The following MYZAP variants were observed in gnomAD, a reference collection of about 807,000 sequenced individuals.
The protein encoded by MYZAP is myocardial zonula adherens protein, also known as GRINL1A complex locus upstream.
MYZAP carries 66 observed loss-of-function variants against 69.4 expected under a neutral mutation model. The observed-to-expected ratio is 0.95, with a 90% CI of 0.78 to 1.17. The LOEUF (loss-of-function observed/expected upper bound fraction) is 1.17. Among genes scored for constraint, MYZAP ranks in the 50% most tolerant of loss-of-function variants. MYZAP has a pLI of 0.00. For synonymous variants in MYZAP, 256 were observed against 205.9 expected (o/e 1.24, Z -2.09); for missense variants, 611 against 556.2 (o/e 1.10, Z -0.99).
chr15:57,646,041 A>T, intron 10 of MYZAP: 1 of 641,670 alleles, frequency 1.6e-6, no homozygotes, highest in Non-Finnish European at 2.5e-6. Flanking sequence ...GATTTCAAGT[A>T]CTTCTCATAA....
chr15:57,624,746 C>T (rs571247684), intron 4 of MYZAP, among the ~76,000 whole-genome samples: 15 of 152,354 alleles, frequency 9.8e-5, no homozygotes, highest in African/African-American at 3.6e-4. Context: ...ATCCTACCTA[C>T]TGCAGCCAGA....
Position 57,684,439 on chromosome 15 carries a change from A to G in MYZAP, c.1342A>G (p.Arg448Gly). 7 of 1,613,598 alleles carry G rather than the reference A, an allele frequency of 4.3e-6. No individual in the cohort carries two copies. Among genetic ancestry groups the G allele is most frequent in the Non-Finnish European group, 5.9e-6 (7 of 1,179,864 alleles). ...GACTCGTGAAATTGTGATGCCTTCT[A>G]GGAACTACACCCCATACACAAGAGT... is the stretch of plus-strand genomic sequence containing the variant. ...GRTREIVMPS[R>G]NYTPYTRVLE... is the part of the protein sequence containing the mutation. Residue 448 changes from arginine (R) to glycine (G), a missense_variant, in exon 13 of 13, where the codon AGG (arginine) becomes GGG (glycine). Coordinates refer to ENST00000267853, the MANE Select transcript of MYZAP (RefSeq NM_001018100.5).
chr15:57,674,049 C>A, intron 11 of MYZAP, among the ~76,000 whole-genome samples: 1 of 152,272 alleles, frequency 6.6e-6, no homozygotes, highest in Non-Finnish European at 1.5e-5. Flanking sequence ...TTTAGTCTAG[C>A]GTTACTGAAA....
At chr15:57,598,696 C>G (rs11637891) in intron 1 of MYZAP, among the ~76,000 whole-genome samples, 4,552 of 152,318 alleles carry the variant, frequency 0.03, 78 homozygotes, top group South Asian at 0.061. Flanking sequence ...CAGTGCTTCT[C>G]TATCATGCAT....
chr15:57,597,871 G>C, intron 1 of MYZAP, among the ~76,000 whole-genome samples: 1 of 152,180 alleles, frequency 6.6e-6, no homozygotes, highest in Admixed American at 6.5e-5. Flanking sequence ...CCTGGGATTT[G>C]ATCCTTGTGC....
intron 5 of MYZAP, 36 bp from the exon 6 acceptor site, chr15:57,629,665 AC>A (rs747505374): frequency 6.3e-7 from 1 of 1,599,528 alleles, no homozygotes; most frequent in Non-Finnish European, 8.5e-7. Context: ...TTTTCACGCC[AC>A]CGGATCTGGT....
chr15:57,592,427 C>A (rs191169487), intron 1 of MYZAP, among the ~76,000 whole-genome samples: 1 of 152,278 alleles, frequency 6.6e-6, no homozygotes, highest in East Asian at 1.9e-4. Flanking sequence ...GTGCAGTGTC[C>A]CTACCTTGAG....
chr15:57,680,452 G>T (rs2039371379), intron 12 of MYZAP, among the ~76,000 whole-genome samples: 1 of 151,136 alleles, frequency 6.6e-6, no homozygotes, highest in East Asian at 2.0e-4. Flanking sequence ...GAAAGGGAAG[G>T]GGTGAGAGGG....
chr15:57,597,964 A>T (rs1321584578), intron 1 of MYZAP, among the ~76,000 whole-genome samples: 2 of 152,170 alleles, frequency 1.3e-5, no homozygotes, highest in African/African-American at 4.8e-5. Flanking sequence ...CTGGGCAGGG[A>T]CCCACAGTCA....
chr15:57,607,171 G>A (rs1319844386), intron 2 of MYZAP, among the ~76,000 whole-genome samples: 2 of 152,214 alleles, frequency 1.3e-5, no homozygotes, highest in Admixed American at 6.5e-5. Flanking sequence ...GGGCCTGGTG[G>A]CAGTACCTGT....
chr15:57,661,158 AT>A (rs2038280803), intron 10 of MYZAP, among the ~76,000 whole-genome samples: 1 of 152,140 alleles, frequency 6.6e-6, no homozygotes, highest in African/African-American at 2.4e-5. Context: ...GAAATGTTGG[AT>A]TAATCAAAGC....
chr15:57,609,042 C>A (rs766448272), intron 2 of MYZAP, among the ~76,000 whole-genome samples: 9 of 152,186 alleles, frequency 5.9e-5, no homozygotes, highest in Non-Finnish European at 8.8e-5. Flanking sequence ...CACTTGGCAC[C>A]TAGCCACGTG....
At chr15:57,630,298 T>C (rs534159909) in intron 6 of MYZAP, among the ~76,000 whole-genome samples, 8 of 151,820 alleles carry the variant, frequency 5.3e-5, no homozygotes, top group African/African-American at 1.5e-4. Context: ...AATGCCCCCA[T>C]TGGGCATGCC....
intron 5 of MYZAP, 107 bp downstream of exon 5, chr15:57,625,999 GAATTCTTTA>G: frequency 1.0e-6 from 1 of 1,001,804 alleles, no homozygotes; most frequent in Non-Finnish European, 1.5e-6. Context: ...TCATGATTCA[GAATTCTTTA>G]AGCAGAACCA....
At chr15:57,669,285 A>G (rs572757676) in intron 11 of MYZAP, among the ~76,000 whole-genome samples, 3 of 152,266 alleles carry the variant, frequency 2.0e-5, no homozygotes, top group Admixed American at 6.5e-5. Context: ...GCCTACTACA[A>G]GGTCACAAAT....
At chr15:57,642,587 C>T (rs910726764) in intron 10 of MYZAP, among the ~76,000 whole-genome samples, 1 of 152,134 alleles carries the variant, frequency 6.6e-6, no homozygotes, top group Non-Finnish European at 1.5e-5. Context: ...GGATGGAAGT[C>T]TCGTCTCCAT....
chr15:57,602,700 A>C (rs2034494393), intron 1 of MYZAP, among the ~76,000 whole-genome samples: 1 of 152,218 alleles, frequency 6.6e-6, no homozygotes, highest in Non-Finnish European at 1.5e-5. Flanking sequence ...CTAAGAAAGT[A>C]AGCCCCGGAG....
rs762494059 is a variant in MYZAP at position 57,661,531 on chromosome 15, G to A, written c.1201G>A (p.Glu401Lys). 1.2e-6 allele frequency: 2 copies of A among 1,609,046 alleles called. No individual in the cohort carries two copies. Among genetic ancestry groups the A allele is most frequent in the East Asian group, 2.2e-5 (1 of 44,754 alleles). ...LLEKISFLEG[E>K]NNELQSRLDY... is the part of the protein sequence containing the mutation. ...AGAAAAGATATCTTTCTTAGAAGGA[G>A]AGGTAAGGATCTCTGTTTCTTTAAG... Residue 401 changes from glutamate (E) to lysine (K), a missense_variant and splice_region_variant, in exon 11 of 13, where the codon GAG becomes AAG. Transcript: ENST00000267853.
rs184099260 is a variant in MYZAP, at chr15:57,678,085, A to G, written c.1304+3017A>G. ...AAAGAAAAGAAATAAAAAATAGGCC[A>G]GGCATGGTGGCTCATACCTGTAATC... On this transcript the variant is annotated intron_variant, in intron 12 of 12. Coordinates refer to ENST00000267853, the MANE Select transcript of MYZAP (RefSeq NM_001018100.5). 2.5e-3 allele frequency among the ~76,000 whole-genome samples: 381 copies of G among 151,182 alleles called. 1 individual carries two copies. The highest frequency in any genetic ancestry group is 6.9e-3 in the Middle Eastern group (2 of 288).
Sources: allele counts gnomAD v4.1 joint callset (sites outside exome capture counted in the v4.1 genomes callset), GRCh38; gene constraint gnomAD v4.1.1; transcripts MANE v1.5; gene names NCBI Gene and HGNC (gene_info 2026-07-23, HGNC 2026-07-21).